Variants in MAN2A1 observed in about 807,000 individuals in gnomAD.
The protein encoded by MAN2A1 is alpha-mannosidase 2.
A neutral mutation model predicts 142.6 loss-of-function variants in MAN2A1; 76 were observed. The ratio of observed to expected loss-of-function variants is 0.53; its 90% confidence interval spans 0.44 to 0.65. The LOEUF (loss-of-function observed/expected upper bound fraction) is 0.65, where lower values mean the gene tolerates loss of function less well. Ranked by LOEUF, MAN2A1 falls within the 30% of genes least tolerant of loss-of-function variation. The probability of loss-of-function intolerance (pLI) is 0.00; values close to 1 mark genes in which losing one functional copy is unlikely to be tolerated. For missense variants in MAN2A1, 1,311 were observed against 1,365.1 expected (o/e 0.96, Z 0.62); for synonymous variants, 559 against 473.2 (o/e 1.18, Z -2.35).
intron 1 of MAN2A1, among the ~76,000 whole-genome samples, chr5:109,712,063 C>T (rs962256556): frequency 1.3e-5 from 2 of 151,872 alleles, no homozygotes; most frequent in Non-Finnish European, 2.9e-5. Context: ...CAACCACTGC[C>T]ACCCCCAGTG....
intron 8 of MAN2A1, among the ~76,000 whole-genome samples, chr5:109,776,693 T>A (rs537987539): frequency 6.6e-6 from 1 of 152,302 alleles, no homozygotes; most frequent in East Asian, 1.9e-4. Flanking sequence ...AGTCTCCATG[T>A]AACCATCATC....
chr5:109,743,012 G>T (rs1008171623), intron 4 of MAN2A1, among the ~76,000 whole-genome samples: 1 of 152,070 alleles, frequency 6.6e-6, no homozygotes, highest in Non-Finnish European at 1.5e-5. Flanking sequence ...CAGGTGCTCT[G>T]CCCATCCCTT....
At chr5:109,701,680 A>G (rs927960926) in intron 1 of MAN2A1, among the ~76,000 whole-genome samples, 2 of 152,184 alleles carry the variant, frequency 1.3e-5, no homozygotes, top group Admixed American at 6.5e-5. Context: ...AAGGCAGTAA[A>G]TCCCTGTACC....
intron 12 of MAN2A1, among the ~76,000 whole-genome samples, chr5:109,794,739 C>T (rs772058939): frequency 1.6e-4 from 24 of 152,036 alleles, no homozygotes; most frequent in Non-Finnish European, 2.5e-4. Flanking sequence ...ATTAATAGTA[C>T]AGTGTATTTA....
At chr5:109,767,168 C>T (rs1200162656) in intron 5 of MAN2A1, among the ~76,000 whole-genome samples, 1 of 152,178 alleles carries the variant, frequency 6.6e-6, no homozygotes, top group Non-Finnish European at 1.5e-5. Flanking sequence ...AGTTATCCAG[C>T]TCCACAGATC....
rs1477593130 is a variant in MAN2A1 at position 109,855,152 on chromosome 5, A to G, written c.2989A>G (p.Lys997Glu). Residue 997 changes from lysine to glutamate, a missense_variant, in exon 20 of 22, where the codon AAG becomes GAG. Physicochemically the swap from Lys to Glu is moderately conservative, Grantham distance 56 (BLOSUM62 1). Transcript: ENST00000261483. ...TTTTTCTTGATAGGAAGAAGAAAAG[A>G]AGTCGGTCAGTTATCCTTCTCTCCT... is the stretch of plus-strand genomic sequence containing the variant. The part of the protein sequence containing the change: ...RSAVNTEEEK[K>E]SVSYPSLLSH... The G allele has an allele frequency of 1.3e-6, 2 of 1,543,872 alleles. No homozygotes were observed. Among genetic ancestry groups the G allele is most frequent in the East Asian group, 2.5e-5 (1 of 40,176 alleles).
At chr5:109,737,736 A>G (rs762216688) in intron 4 of MAN2A1, among the ~76,000 whole-genome samples, 2 of 152,280 alleles carry the variant, frequency 1.3e-5, no homozygotes, top group South Asian at 2.1e-4. Flanking sequence ...GAACATGGAA[A>G]CCTAATAAAG....
intron 19 of MAN2A1, among the ~76,000 whole-genome samples, chr5:109,850,887 T>C (rs1755465935): frequency 6.6e-6 from 1 of 152,188 alleles, no homozygotes; most frequent in Non-Finnish European, 1.5e-5. Context: ...AAATAAGAAA[T>C]GAACTAGAGA....
intron 12 of MAN2A1, among the ~76,000 whole-genome samples, chr5:109,790,899 A>G (rs929851152): frequency 1.3e-5 from 2 of 152,070 alleles, no homozygotes; most frequent in African/African-American, 2.4e-5. Flanking sequence ...AGAAGAAAAG[A>G]TGTTCCCTTT....
At chr5:109,800,521 G>A (rs896059730) in intron 12 of MAN2A1, among the ~76,000 whole-genome samples, 3 of 151,856 alleles carry the variant, frequency 2.0e-5, no homozygotes, top group Admixed American at 2.0e-4. Flanking sequence ...TCTGGAAAAG[G>A]ACGTGCATTT....
intron 16 of MAN2A1, among the ~76,000 whole-genome samples, chr5:109,834,964 A>G (rs1755021493): frequency 6.6e-6 from 1 of 152,156 alleles, no homozygotes; most frequent in African/African-American, 2.4e-5. Context: ...ACTTTCAGAT[A>G]TAAGTACAGT....
intron 13 of MAN2A1, among the ~76,000 whole-genome samples, chr5:109,819,221 A>G (rs1175048166): frequency 6.6e-6 from 1 of 152,212 alleles, no homozygotes; most frequent in Non-Finnish European, 1.5e-5. Context: ...TTCTGAGTAC[A>G]TGAAAGGTAG....
At chr5:109,765,452 A>G (rs931612332) in intron 5 of MAN2A1, among the ~76,000 whole-genome samples, 5 of 152,126 alleles carry the variant, frequency 3.3e-5, no homozygotes, top group African/African-American at 1.2e-4. Flanking sequence ...TCACTGCATC[A>G]TATCAGGAGG....
chr5:109,800,123 C>T (rs1381637952), intron 12 of MAN2A1, among the ~76,000 whole-genome samples: 2 of 151,642 alleles, frequency 1.3e-5, no homozygotes, highest in East Asian at 3.9e-4. Context: ...CAGACTTCAC[C>T]TCTAGATGCA....
At chr5:109,821,153 G>A (rs1042974203) in intron 15 of MAN2A1, among the ~76,000 whole-genome samples, 1 of 152,038 alleles carries the variant, frequency 6.6e-6, no homozygotes, top group Non-Finnish European at 1.5e-5. Context: ...GCCAACATTT[G>A]GATGTATTTC....
intron 3 of MAN2A1, among the ~76,000 whole-genome samples, chr5:109,719,137 G>C (rs1222320914): frequency 6.6e-6 from 1 of 152,100 alleles, no homozygotes; most frequent in Non-Finnish European, 1.5e-5. Context: ...CATCTTCTGA[G>C]TAGACATCCC....
intron 1 of MAN2A1, among the ~76,000 whole-genome samples, chr5:109,700,699 G>T (rs1386942661): frequency 2.0e-5 from 3 of 152,146 alleles, no homozygotes; most frequent in African/African-American, 7.2e-5. Context: ...TTCCAGGTCA[G>T]GTAATTTTTA....
chr5:109,840,883 C>G (rs1295234775), intron 16 of MAN2A1, among the ~76,000 whole-genome samples: 1 of 152,196 alleles, frequency 6.6e-6, no homozygotes, highest in Non-Finnish European at 1.5e-5. Context: ...TGCATTTACA[C>G]TCTTTCCCAC....
At position 109,822,457 on chromosome 5, in the gene MAN2A1, G is replaced by C. The variant is rs544444712; in HGVS notation, c.2452-1266G>C. 5.5e-4 allele frequency among the ~76,000 whole-genome samples: 83 copies of C among 152,136 alleles called. 1 individual carries two copies. In the South Asian group the frequency reaches 0.017, roughly 32 times the overall value. ...AGATAAAACAATTGTCATTTTTACA[G>C]AGAGAAAATAAAAAACATCAGGGAA... is the stretch of plus-strand genomic sequence containing the variant. On this transcript the variant is annotated intron_variant, in intron 15 of 21. Coordinates refer to ENST00000261483, the MANE Select transcript of MAN2A1 (RefSeq NM_002372.4).
Sources: gnomAD v4.1 joint callset for allele counts (sites outside exome capture counted in the v4.1 genomes callset) on GRCh38, gnomAD v4.1.1 for gene constraint, MANE v1.5 for transcripts, NCBI Gene and HGNC (gene_info 2026-07-23, HGNC 2026-07-21) for gene names.